Variants in TCEANC2 observed in about 807,000 individuals in gnomAD.
TCEANC2 encodes the protein transcription elongation factor A N-terminal and central domain-containing protein 2.
In TCEANC2, 20 loss-of-function variants were observed where a neutral mutation model predicts 22.8. The observed-to-expected ratio is 0.88, with a 90% CI of 0.62 to 1.28. The LOEUF is 1.28. TCEANC2 is among the 50% of genes most tolerant of loss of function. The pLI is 0.00. For synonymous variants in TCEANC2, 84 were observed against 95.5 expected (o/e 0.88, Z 0.70); for missense variants, 251 against 249.7 (o/e 1.01, Z -0.03).
chr1:54,061,100 G>C (rs1569993297), intron 2 of TCEANC2, among the ~76,000 whole-genome samples: 1 of 152,216 alleles, frequency 6.6e-6, no homozygotes, highest in Non-Finnish European at 1.5e-5. Context: ...CATTCAATGA[G>C]TGGTATGTGC....
At chr1:54,088,518 C>A (rs992476060) in intron 3 of TCEANC2, 79 bp from the exon 4 acceptor site, 1 of 1,192,534 alleles carries the variant, frequency 8.4e-7, no homozygotes, top group Admixed American at 3.1e-5. Context: ...CTCAGTGCCA[C>A]ACGTCAGTCC....
chr1:54,095,692 T>C (rs1658533109), intron 4 of TCEANC2, among the ~76,000 whole-genome samples: 1 of 151,868 alleles, frequency 6.6e-6, no homozygotes, highest in Admixed American at 6.5e-5. Flanking sequence ...ATTAGTATGG[T>C]GAAAGGGAAG....
At chr1:54,071,930 G>A (rs922686001) in intron 3 of TCEANC2, among the ~76,000 whole-genome samples, 8 of 151,608 alleles carry the variant, frequency 5.3e-5, no homozygotes, top group Non-Finnish European at 1.0e-4. Flanking sequence ...CCCCACCTCA[G>A]CCCCCCAAGT....
In TCEANC2 at chr1:54,054,462, A is replaced by T; in HGVS notation, c.40A>T (p.Ser14Cys). The T allele has an allele frequency of 6.2e-7, 1 of 1,614,126 alleles. No individual in the cohort carries two copies. Among genetic ancestry groups the T allele is most frequent in the South Asian group, 1.1e-5 (1 of 91,074 alleles). Reference protein sequence around the residue: ...FVIRTPRIQNSPQKKDSGGKV... With the variant: ...FVIRTPRIQNCPQKKDSGGKV... ...CATTCGAACGCCTAGAATCCAGAAT[A>T]GCCCTCAGAAGAAAGATTCTGGAGG... The change falls in exon 2 of 5, where the codon AGC becomes TGC. Residue 14 changes from serine (S) to cysteine (C), a missense_variant. By Grantham distance (112) the Ser-to-Cys change is moderately radical. Coordinates refer to ENST00000234827, the MANE Select transcript of TCEANC2 (RefSeq NM_153035.3).
rs1381751733 is a variant in TCEANC2, at chr1:54,098,579, C to T, written c.*2106C>T. Reference sequence around the variant, plus strand: ...AGTTATTTCTTTATTGTCTATCTCCCCACTCCCAGAATGTAAGCTTCATGA... The same window carrying T: ...AGTTATTTCTTTATTGTCTATCTCCTCACTCCCAGAATGTAAGCTTCATGA... On this transcript the variant is annotated 3_prime_UTR_variant, in exon 5 of 5. Coordinates refer to ENST00000234827, the MANE Select transcript of TCEANC2 (RefSeq NM_153035.3). 6.6e-6 allele frequency: 1 copy of T among 152,140 alleles called. No homozygotes were observed. The highest frequency in any genetic ancestry group is 2.4e-5 in the African/African-American group (1 of 41,392). 9.4% of individuals were successfully genotyped at this position (152,140 alleles called of 1,614,324 possible).
At chr1:54,054,206 G>C in intron 1 of TCEANC2, 175 bp from the exon 2 acceptor site, 1 of 1,425,376 alleles carries the variant, frequency 7.0e-7, no homozygotes, top group Non-Finnish European at 9.2e-7. Context: ...ATTGATTACA[G>C]TTTCAATTCT....
chr1:54,094,366 T>C (rs1015642792), intron 4 of TCEANC2, among the ~76,000 whole-genome samples: 1 of 152,210 alleles, frequency 6.6e-6, no homozygotes, highest in Non-Finnish European at 1.5e-5. Context: ...TGTTTTTTCT[T>C]TTTTTGAACT....
chr1:54,058,897 C>A (rs1198071225), intron 2 of TCEANC2, among the ~76,000 whole-genome samples: 1 of 152,168 alleles, frequency 6.6e-6, no homozygotes, highest in Admixed American at 6.5e-5. Flanking sequence ...CCTCGTGATC[C>A]TCCCGCCTCG....
intron 2 of TCEANC2, among the ~76,000 whole-genome samples, chr1:54,062,698 A>G (rs1470411945): frequency 6.6e-6 from 1 of 152,254 alleles, no homozygotes; most frequent in South Asian, 2.1e-4. Flanking sequence ...CATAGAAGAC[A>G]TGATGCTTGA....
intron 3 of TCEANC2, among the ~76,000 whole-genome samples, chr1:54,073,169 G>A (rs555631784): frequency 1.3e-5 from 2 of 152,118 alleles, no homozygotes; most frequent in South Asian, 4.2e-4. Flanking sequence ...GTCTCGCTGT[G>A]TTGCCCAGGA....
chr1:54,095,638 C>A (rs1336703765), intron 4 of TCEANC2, among the ~76,000 whole-genome samples: 1 of 152,156 alleles, frequency 6.6e-6, no homozygotes, highest in Non-Finnish European at 1.5e-5. Context: ...AAACTGTAGG[C>A]GTCTCTCCAA....
intron 3 of TCEANC2, among the ~76,000 whole-genome samples, chr1:54,083,442 C>G (rs1330915622): frequency 6.6e-6 from 1 of 152,150 alleles, no homozygotes; most frequent in Non-Finnish European, 1.5e-5. Context: ...GTAACAGGTG[C>G]TGTCTCCAAA....
intron 3 of TCEANC2, among the ~76,000 whole-genome samples, chr1:54,072,390 C>T (rs1334574048): frequency 1.4e-5 from 2 of 147,580 alleles, no homozygotes; most frequent in Non-Finnish European, 2.9e-5. Context: ...CTTTATCCCC[C>T]CCAAATTTTT....
chr1:54,060,404 C>CAAA (rs1204211675), intron 2 of TCEANC2, among the ~76,000 whole-genome samples: 1 of 127,408 alleles, frequency 7.8e-6, no homozygotes, highest in Non-Finnish European at 1.7e-5. Flanking sequence ...GACTCCATCT[C>CAAA]AAAAAAAAAA....
intron 2 of TCEANC2, among the ~76,000 whole-genome samples, chr1:54,063,581 C>T (rs1048440329): frequency 1.3e-5 from 2 of 152,100 alleles, no homozygotes; most frequent in East Asian, 3.8e-4. Context: ...TCACAAAATC[C>T]AACACTTTTG....
chr1:54,109,807 G>T (rs566125505), downstream of TCEANC2, among the ~76,000 whole-genome samples: 1 of 152,138 alleles, frequency 6.6e-6, no homozygotes, highest in Admixed American at 6.5e-5. Flanking sequence ...CAAGAGCCCC[G>T]TCCCCTCCTG....
intron 3 of TCEANC2, among the ~76,000 whole-genome samples, chr1:54,086,925 G>A (rs1444481414): frequency 6.6e-6 from 1 of 152,164 alleles, no homozygotes; most frequent in Non-Finnish European, 1.5e-5. Context: ...GAGGAATCCT[G>A]GAGCATTAAG....
intron 3 of TCEANC2, among the ~76,000 whole-genome samples, chr1:54,084,335 A>T (rs1198185675): frequency 6.6e-6 from 1 of 152,180 alleles, no homozygotes; most frequent in Non-Finnish European, 1.5e-5. Flanking sequence ...TAATGGCTGC[A>T]AAGTAGTTAT....
At chr1:54,070,883 A>C (rs992639627) in intron 3 of TCEANC2, among the ~76,000 whole-genome samples, 4 of 152,242 alleles carry the variant, frequency 2.6e-5, no homozygotes, top group African/African-American at 9.6e-5. Flanking sequence ...ATAGAAACAC[A>C]GTTTAACAAG....
Sources: allele counts gnomAD v4.1 joint callset (sites outside exome capture counted in the v4.1 genomes callset), GRCh38; gene constraint gnomAD v4.1.1; transcripts MANE v1.5; gene names NCBI Gene and HGNC (gene_info 2026-07-23, HGNC 2026-07-21).